Variants in UIMC1 observed in about 807,000 individuals in gnomAD.
UIMC1 encodes BRCA1-A complex subunit RAP80.
UIMC1 carries 42 observed loss-of-function variants against 84.9 expected under a neutral mutation model. The observed-to-expected ratio is 0.49, with a 90% confidence interval of 0.39 to 0.64. UIMC1 has a LOEUF of 0.64. Among genes scored for constraint, UIMC1 ranks in the 30% least tolerant of loss-of-function variants. The pLI is 0.00. For synonymous variants in UIMC1, 281 were observed against 293.0 expected (o/e 0.96, Z 0.42); for missense variants, 825 against 847.6 (o/e 0.97, Z 0.33).
chr5:176,992,280 A>C (rs571768720), intron 1 of UIMC1, among the ~76,000 whole-genome samples: 4 of 152,130 alleles, frequency 2.6e-5, no homozygotes, highest in African/African-American at 9.7e-5. Flanking sequence ...AAAAATTTTT[A>C]TATTTTTTAT....
intron 1 of UIMC1, among the ~76,000 whole-genome samples, chr5:176,995,980 T>C (rs1233057425): frequency 6.6e-6 from 1 of 151,356 alleles, no homozygotes; most frequent in Non-Finnish European, 1.5e-5. Flanking sequence ...TCAAGAGAAA[T>C]AAAGACGTGA....
chr5:176,924,331 AT>A (rs1471148912), intron 10 of UIMC1, among the ~76,000 whole-genome samples: 248 of 152,000 alleles, frequency 1.6e-3, no homozygotes, highest in African/African-American at 5.7e-3. Flanking sequence ...AAAAAAAAAA[AT>A]AATAAAAATA....
chr5:176,985,381 G>A (rs1034394148), intron 1 of UIMC1, among the ~76,000 whole-genome samples: 22 of 151,674 alleles, frequency 1.5e-4, no homozygotes, highest in African/African-American at 4.1e-4. Context: ...ACTTGAACCC[G>A]GGAGGCGGAG....
intron 2 of UIMC1, among the ~76,000 whole-genome samples, chr5:176,977,223 CA>C (rs1016279747): frequency 0.017 from 1,234 of 71,602 alleles, 17 homozygotes; most frequent in African/African-American, 0.044. Flanking sequence ...GATTCTGTCT[CA>C]AAAAAAAAAA....
In UIMC1 at chr5:176,943,202, T is replaced by C. The variant is rs535155375; in HGVS notation, c.1597+133A>G. ...TAAAAGTACTAGAAAAATAACTAGA[T>C]AGAAAAAACCCAAGACCAACAACAA... On this transcript the variant is annotated intron_variant, in intron 10 of 14. Coordinates refer to ENST00000511320, the MANE Select transcript of UIMC1 (RefSeq NM_001199298.2). The C allele has an allele frequency of 6.8e-5, 78 of 1,155,232 alleles. No homozygotes were observed. The African/African-American group carries it at 1.1e-3, about 16-fold the overall frequency. 71.6% of individuals were successfully genotyped at this position (1,155,232 alleles called of 1,614,324 possible).
chr5:176,971,935 G>GT (rs1178240133), intron 3 of UIMC1, among the ~76,000 whole-genome samples: 2 of 152,030 alleles, frequency 1.3e-5, no homozygotes, highest in African/African-American at 2.4e-5. Flanking sequence ...AAAAACAACT[G>GT]TAAGTTCATA....
chr5:177,018,476 T>C (rs114757006), intron 1 of UIMC1, among the ~76,000 whole-genome samples: 160 of 152,326 alleles, frequency 1.1e-3, no homozygotes, highest in Non-Finnish European at 2.0e-3. Flanking sequence ...TTTAAGCAAC[T>C]GAAATGTATG....
At chr5:176,918,099 G>A (rs538320723) in intron 10 of UIMC1, among the ~76,000 whole-genome samples, 247 of 152,336 alleles carry the variant, frequency 1.6e-3, no homozygotes, top group African/African-American at 5.7e-3. Flanking sequence ...GGATAGTGCT[G>A]TTCTTTCATG....
chr5:176,980,918 T>A (rs1770936984), intron 2 of UIMC1, among the ~76,000 whole-genome samples: 1 of 151,894 alleles, frequency 6.6e-6, no homozygotes, highest in South Asian at 2.1e-4. Context: ...GTTTTGTATT[T>A]TTTGTAGAGA....
intron 8 of UIMC1, among the ~76,000 whole-genome samples, chr5:176,955,390 C>T (rs564036383): frequency 9.2e-5 from 14 of 152,210 alleles, no homozygotes; most frequent in African/African-American, 3.4e-4. Context: ...TTCTGAACCT[C>T]CTATGCAGTA....
intron 3 of UIMC1, among the ~76,000 whole-genome samples, chr5:176,973,450 A>G (rs956717782): frequency 8.6e-5 from 13 of 151,936 alleles, no homozygotes; most frequent in Non-Finnish European, 1.5e-4. Context: ...TCAGGAGAGT[A>G]ACAATGAAAA....
chr5:176,956,130 A>G, intron 7 of UIMC1, 95 bp from the exon 8 acceptor site: 9 of 1,175,168 alleles, frequency 7.7e-6, no homozygotes, highest in Non-Finnish European at 1.1e-5. Flanking sequence ...GCCACAGGTA[A>G]TCACAGATAC....
intron 12 of UIMC1, among the ~76,000 whole-genome samples, chr5:176,908,300 C>A (rs1437516693): frequency 1.3e-5 from 2 of 152,198 alleles, no homozygotes; most frequent in East Asian, 3.9e-4. Flanking sequence ...ATGATTTCCC[C>A]TGATTATTTA....
intron 10 of UIMC1, among the ~76,000 whole-genome samples, chr5:176,928,734 G>A (rs1172741370): frequency 2.0e-5 from 3 of 152,068 alleles, no homozygotes; most frequent in Non-Finnish European, 4.4e-5. Flanking sequence ...GGCGGATCAC[G>A]AGGTCAGGAG....
intron 10 of UIMC1, among the ~76,000 whole-genome samples, chr5:176,918,234 T>A (rs1439264177): frequency 6.6e-6 from 1 of 152,250 alleles, no homozygotes; most frequent in Non-Finnish European, 1.5e-5. Context: ...CCATTCTTGG[T>A]GATTTCAATA....
intron 1 of UIMC1, among the ~76,000 whole-genome samples, chr5:176,994,639 T>C (rs1773329858): frequency 6.6e-6 from 1 of 152,044 alleles, no homozygotes; most frequent in Admixed American, 6.6e-5. Context: ...GCCCAGCAGA[T>C]TAACATCCAA....
At chr5:176,943,257 TCCCTGCA>T in intron 10 of UIMC1, 71 bp downstream of exon 10, 4 of 1,479,406 alleles carry the variant, frequency 2.7e-6, no homozygotes, top group Admixed American at 2.3e-5. Context: ...CTATGTTTTT[TCCCTGCA>T]TTGTAATGTA....
intron 3 of UIMC1, among the ~76,000 whole-genome samples, chr5:176,975,142 T>TA (rs1383141056): frequency 1.1e-4 from 16 of 148,658 alleles, no homozygotes; most frequent in African/African-American, 2.0e-4. Flanking sequence ...ATCCTGTCTC[T>TA]AAAAAAAAAA....
chr5:177,019,952 C>G (rs563581558), intron 1 of UIMC1, among the ~76,000 whole-genome samples: 3 of 151,918 alleles, frequency 2.0e-5, no homozygotes, highest in African/African-American at 7.2e-5. Context: ...TTGTAAAACA[C>G]TGGCCAAACA....
Sources: allele counts gnomAD v4.1 joint callset (sites outside exome capture counted in the v4.1 genomes callset), GRCh38; gene constraint gnomAD v4.1.1; transcripts MANE v1.5; gene names NCBI Gene and HGNC (gene_info 2026-07-23, HGNC 2026-07-21).